Variants in PTPRT observed in about 807,000 individuals in gnomAD.
PTPRT encodes the protein receptor-type tyrosine-protein phosphatase T.
A neutral mutation model predicts 176.8 loss-of-function variants in PTPRT; 56 were observed. The observed-to-expected ratio is 0.32, with a 90% CI of 0.26 to 0.40. The LOEUF (loss-of-function observed/expected upper bound fraction) is 0.40, where lower values mean the gene tolerates loss of function less well. Among genes scored for constraint, PTPRT ranks in the 10% least tolerant of loss-of-function variants. The probability of loss-of-function intolerance (pLI) is 1.00; values close to 1 mark genes in which losing one functional copy is unlikely to be tolerated. For missense variants in PTPRT, 1,540 were observed against 1,908.2 expected (o/e 0.81, Z 3.60); for synonymous variants, 783 against 739.0 (o/e 1.06, Z -0.96).
chr20:42,784,201 C>A (rs965925116), intron 3 of PTPRT, among the ~76,000 whole-genome samples: 2 of 152,186 alleles, frequency 1.3e-5, no homozygotes, highest in Non-Finnish European at 2.9e-5. Context: ...GAGTCTTGCT[C>A]ATCCTTCCAA....
intron 17 of PTPRT, among the ~76,000 whole-genome samples, chr20:42,150,739 A>G (rs1989089784): frequency 6.6e-6 from 1 of 152,198 alleles, no homozygotes; most frequent in Non-Finnish European, 1.5e-5. Flanking sequence ...TCAGTAATAC[A>G]TCCTGAAGGT....
intron 13 of PTPRT, chr20:42,270,298 T>C (rs1001840906): frequency 2.7e-6 from 3 of 1,119,678 alleles, no homozygotes; most frequent in Non-Finnish European, 3.9e-6. Context: ...GTGGGTGGGG[T>C]GGAAAGACTG....
chr20:43,003,599 C>T (rs11696908), intron 1 of PTPRT, among the ~76,000 whole-genome samples: 29,236 of 152,178 alleles, frequency 0.19, 2,911 homozygotes, highest in Middle Eastern at 0.22. Flanking sequence ...TTTACTTATA[C>T]TTTGTGATTT....
chr20:42,409,436 C>T (rs532770187), intron 9 of PTPRT, among the ~76,000 whole-genome samples: 112 of 131,336 alleles, frequency 8.5e-4, no homozygotes, highest in African/African-American at 3.2e-3. Flanking sequence ...GAGCCGAGAT[C>T]GTGCCACTGT....
chr20:42,128,663 G>A, intron 19 of PTPRT, 91 bp downstream of exon 19: 1 of 1,189,992 alleles, frequency 8.4e-7, no homozygotes. Flanking sequence ...TGCTCTGGAA[G>A]GGCCACCTTC....
At chr20:42,975,857 C>T (rs1050404021) in intron 1 of PTPRT, among the ~76,000 whole-genome samples, 4 of 151,462 alleles carry the variant, frequency 2.6e-5, no homozygotes, top group Admixed American at 6.6e-5. Context: ...ATGTATGCCC[C>T]GTTTTGGGGA....
At chr20:42,453,862 C>A (rs2070876098) in intron 8 of PTPRT, among the ~76,000 whole-genome samples, 1 of 148,458 alleles carries the variant, frequency 6.7e-6, no homozygotes, top group African/African-American at 2.5e-5. Flanking sequence ...TGAGACCCGG[C>A]TAATTTTTGT....
chr20:42,473,275 C>T (rs573043672), intron 7 of PTPRT, among the ~76,000 whole-genome samples: 1 of 152,236 alleles, frequency 6.6e-6, no homozygotes, highest in Admixed American at 6.5e-5. Flanking sequence ...CCACTCCATG[C>T]CTCCTATTGA....
chr20:43,079,799 A>G (rs2011389058), intron 1 of PTPRT, among the ~76,000 whole-genome samples: 1 of 152,176 alleles, frequency 6.6e-6, no homozygotes, highest in Admixed American at 6.5e-5. Flanking sequence ...ATGATGTTAT[A>G]CGCAAATAAA....
intron 2 of PTPRT, among the ~76,000 whole-genome samples, chr20:42,870,374 G>A (rs1371283059): frequency 2.6e-5 from 4 of 152,298 alleles, no homozygotes; most frequent in Non-Finnish European, 4.4e-5. Flanking sequence ...TCCATTGTAT[G>A]CGTATACCAC....
chr20:42,343,259 G>C (rs973315616), intron 11 of PTPRT, among the ~76,000 whole-genome samples: 3 of 152,140 alleles, frequency 2.0e-5, no homozygotes, highest in African/African-American at 7.2e-5. Flanking sequence ...CGCCTTTCCT[G>C]GATGAAATGT....
chr20:42,471,018 G>A (rs2071186235), intron 8 of PTPRT, among the ~76,000 whole-genome samples: 1 of 152,104 alleles, frequency 6.6e-6, no homozygotes, highest in African/African-American at 2.4e-5. Flanking sequence ...TTGAGATAAG[G>A]AATACAGGAA....
chr20:42,580,915 G>T (rs1030159113), intron 7 of PTPRT, among the ~76,000 whole-genome samples: 2 of 152,024 alleles, frequency 1.3e-5, no homozygotes, highest in Admixed American at 6.6e-5. Context: ...CTGCCTGATT[G>T]CCCTGGCCAG....
intron 1 of PTPRT, among the ~76,000 whole-genome samples, chr20:43,032,473 T>TAA (rs375146456): frequency 0.046 from 5,549 of 121,530 alleles, 402 homozygotes; most frequent in African/African-American, 0.15. Context: ...ATCTTTTCAT[T>TAA]AAAAAAAAAA....
rs2146110034 is a variant in PTPRT, at chr20:42,084,691, A to G, written c.4127T>C (p.Val1376Ala). 6.6e-7 allele frequency: 1 copy of G among 1,525,106 alleles called. No homozygotes were observed. The highest frequency in any genetic ancestry group is 1.8e-4 in the Middle Eastern group (1 of 5,712). The allele number at this position is 1,525,106 out of a possible 1,614,324, so 94.5% of individuals were successfully genotyped here. ...QYDGREGRTV[V>A]HCLNGGGRSG... ...CCTCCCTAGTACTCACAGGCAGTGG[A>G]CCACAGTACGTCCCTCCCTCCCGTC... Residue 1376 changes from valine (V) to alanine (A), a missense_variant, in exon 29 of 31, where the codon GTC becomes GCC. Physicochemically the swap from Val to Ala is moderately conservative, Grantham distance 64. Around this residue, in one of 11 missense-constraint regions of PTPRT, gnomAD observed 342 missense variants for 394.0 expected, o/e 0.87. Coordinates refer to ENST00000373187, the MANE Select transcript of PTPRT (RefSeq NM_007050.6).
At chr20:42,728,766 C>T (rs143378612) in intron 6 of PTPRT, among the ~76,000 whole-genome samples, 1 of 152,242 alleles carries the variant, frequency 6.6e-6, no homozygotes, top group Non-Finnish European at 1.5e-5. Context: ...CGTTGCTCAC[C>T]CTTCATTGCA....
chr20:43,043,849 T>C (rs898128686), intron 1 of PTPRT, among the ~76,000 whole-genome samples: 8 of 152,138 alleles, frequency 5.3e-5, no homozygotes, highest in Non-Finnish European at 1.2e-4. Flanking sequence ...AGATGATTTT[T>C]TAATAAAGTG....
At chr20:42,812,025 T>C (rs1347269458) in intron 2 of PTPRT, among the ~76,000 whole-genome samples, 2 of 152,044 alleles carry the variant, frequency 1.3e-5, no homozygotes, top group Non-Finnish European at 2.9e-5. Context: ...CATTCTTTCA[T>C]CTTTGACATT....
chr20:42,280,667 G>A (rs1407042741), intron 13 of PTPRT, among the ~76,000 whole-genome samples: 2 of 152,142 alleles, frequency 1.3e-5, no homozygotes, highest in Non-Finnish European at 2.9e-5. Context: ...CTAAGGAGAG[G>A]TAGAGAACTC....
Sources: gnomAD v4.1 joint callset for allele counts (sites outside exome capture counted in the v4.1 genomes callset) on GRCh38, gnomAD v4.1.1 for gene constraint, gnomAD v4.1.1 regional missense constraint, MANE v1.5 for transcripts, NCBI Gene and HGNC (gene_info 2026-07-23, HGNC 2026-07-21) for gene names.